The following RASAL2 variants were observed in gnomAD, a reference collection of about 807,000 sequenced individuals.
RASAL2 encodes ras GTPase-activating protein nGAP.
Under a neutral mutation model 128.9 loss-of-function variants are expected in RASAL2, and 58 were observed. The ratio of observed to expected loss-of-function variants is 0.45; its 90% CI spans 0.36 to 0.56. The LOEUF (loss-of-function observed/expected upper bound fraction) is 0.56, where lower values mean the gene tolerates loss of function less well. Ranked by LOEUF, RASAL2 falls within the 20% of genes least tolerant of loss-of-function variation. RASAL2 has a pLI of 0.00. For missense variants in RASAL2, 1,360 were observed against 1,601.6 expected, an observed-to-expected ratio of 0.85 and a Z score of 2.57; for synonymous variants, 561 against 580.8, an observed-to-expected ratio of 0.97 and a Z score of 0.49.
chr1:178,391,598 A>G (rs975578872), intron 4 of RASAL2, among the ~76,000 whole-genome samples: 7 of 152,228 alleles, frequency 4.6e-5, no homozygotes, highest in South Asian at 2.1e-4. Context: ...AAGAATGTCT[A>G]ATTTTCAGGT....
At chr1:178,237,185 A>C (rs190265472) in intron 1 of RASAL2, among the ~76,000 whole-genome samples, 43 of 152,062 alleles carry the variant, frequency 2.8e-4, no homozygotes, top group African/African-American at 1.0e-3. Context: ...TACTTCTCCA[A>C]GACTACACAG....
At chr1:178,168,544 T>C (rs1420197902) in intron 1 of RASAL2, among the ~76,000 whole-genome samples, 11 of 152,124 alleles carry the variant, frequency 7.2e-5, no homozygotes, top group Non-Finnish European at 1.3e-4. Flanking sequence ...TATGATATTC[T>C]CTAGACCTAA....
intron 2 of RASAL2, among the ~76,000 whole-genome samples, chr1:178,299,511 T>G (rs1287808995): frequency 6.6e-6 from 1 of 152,106 alleles, no homozygotes; most frequent in Non-Finnish European, 1.5e-5. Flanking sequence ...TTTTTTCTTT[T>G]TTTTTGAGAT....
chr1:178,451,744 T>C (rs750798079), intron 10 of RASAL2, 29 bp downstream of exon 10: 1 of 1,600,110 alleles, frequency 6.2e-7, no homozygotes, highest in Non-Finnish European at 8.5e-7. Context: ...CTGCCTTACA[T>C]TTTTTCATGT....
At chr1:178,182,707 C>T (rs986154640) in intron 1 of RASAL2, among the ~76,000 whole-genome samples, 2 of 152,056 alleles carry the variant, frequency 1.3e-5, no homozygotes, top group Admixed American at 6.6e-5. Flanking sequence ...TTTTCAGTTC[C>T]AATACATGTA....
Position 178,442,656 on chromosome 1 carries a change from C to T in RASAL2, c.928-19C>T. On this transcript the variant is annotated intron_variant, in intron 7 of 17. Coordinates refer to ENST00000367649, the MANE Select transcript of RASAL2 (RefSeq NM_170692.4). ...CTGCAATGTCAGCTCTGAAATTCAG[C>T]TTTGTTGCCTCTTTATAGGACAATT... 6.4e-7 allele frequency: 1 copy of T among 1,558,326 alleles called. No individual in the cohort carries two copies.
Position 178,305,549 on chromosome 1 carries a change from A to T in RASAL2, c.457+5431A>T, listed in dbSNP as rs192014437. Among the ~76,000 whole-genome samples, 356 of 152,280 alleles carry T rather than the reference A, an allele frequency of 2.3e-3. 2 individuals are homozygous for T. The highest frequency in any genetic ancestry group is 3.7e-3 in the Non-Finnish European group (254 of 68,014). On this transcript the variant is annotated intron_variant, in intron 3 of 17. Coordinates refer to ENST00000367649, the MANE Select transcript of RASAL2 (RefSeq NM_170692.4). Reference sequence around the variant, plus strand: ...ATTGGATGTGGAAAGTGAGAAATAGAATATTCAAGAATGTTGGCTAGAACA... The same window carrying T: ...ATTGGATGTGGAAAGTGAGAAATAGTATATTCAAGAATGTTGGCTAGAACA...
chr1:178,175,281 T>C (rs1235656919), intron 1 of RASAL2, among the ~76,000 whole-genome samples: 1 of 152,044 alleles, frequency 6.6e-6, no homozygotes, highest in Non-Finnish European at 1.5e-5. Flanking sequence ...AAGTCGTATA[T>C]GAGAGTAGAA....
intron 1 of RASAL2, among the ~76,000 whole-genome samples, chr1:178,249,102 GA>G (rs1664921832): frequency 1.3e-5 from 2 of 152,102 alleles, no homozygotes; most frequent in Non-Finnish European, 2.9e-5. Flanking sequence ...CTAGGTTGGG[GA>G]AGTTCTCCTG....
At chr1:178,359,796 G>A (rs1163291253) in intron 3 of RASAL2, among the ~76,000 whole-genome samples, 2 of 152,090 alleles carry the variant, frequency 1.3e-5, no homozygotes, top group Non-Finnish European at 2.9e-5. Context: ...TACTGTTGTT[G>A]AATTAATTTC....
intron 1 of RASAL2, among the ~76,000 whole-genome samples, chr1:178,178,263 A>T (rs2101923588): frequency 6.6e-6 from 1 of 152,292 alleles, no homozygotes; most frequent in East Asian, 1.9e-4. Flanking sequence ...TTTAAAAATT[A>T]CTTAAATAAT....
intron 1 of RASAL2, among the ~76,000 whole-genome samples, chr1:178,157,768 T>C (rs1353204818): frequency 6.6e-6 from 1 of 152,210 alleles, no homozygotes; most frequent in Non-Finnish European, 1.5e-5. Flanking sequence ...TTGGAAATGC[T>C]AACTATAAAA....
chr1:178,196,005 T>C (rs1190953201), intron 1 of RASAL2, among the ~76,000 whole-genome samples: 3 of 152,068 alleles, frequency 2.0e-5, no homozygotes, highest in South Asian at 2.1e-4. Flanking sequence ...AGACCAGACA[T>C]GTAAAAATTC....
At chr1:178,289,699 C>T (rs373774254) in intron 2 of RASAL2, among the ~76,000 whole-genome samples, 1 of 152,176 alleles carries the variant, frequency 6.6e-6, no homozygotes. Context: ...ACATGCCCCA[C>T]ACTTCAGCCC....
chr1:178,372,102 T>A (rs1386087465), intron 3 of RASAL2: 1 of 910,046 alleles, frequency 1.1e-6, no homozygotes, highest in Non-Finnish European at 1.3e-6. Flanking sequence ...GGAGGGAGGA[T>A]CACATTTTCT....
chr1:178,426,772 C>A (rs993301164), intron 5 of RASAL2, among the ~76,000 whole-genome samples: 13 of 152,084 alleles, frequency 8.5e-5, no homozygotes, highest in African/African-American at 1.9e-4. Flanking sequence ...ACCCAATATT[C>A]CATACCCAGA....
chr1:178,182,667 G>A (rs1394931633), intron 1 of RASAL2, among the ~76,000 whole-genome samples: 2 of 151,928 alleles, frequency 1.3e-5, no homozygotes, highest in South Asian at 2.1e-4. Flanking sequence ...CCAACAATTC[G>A]AAACTTGGAC....
intron 4 of RASAL2, among the ~76,000 whole-genome samples, chr1:178,408,185 A>G (rs1468959858): frequency 6.6e-6 from 1 of 152,236 alleles, no homozygotes; most frequent in Admixed American, 6.5e-5. Flanking sequence ...CAGCATTTGA[A>G]AAAATTGGAT....
intron 1 of RASAL2, among the ~76,000 whole-genome samples, chr1:178,271,892 C>A (rs988707730): frequency 5.9e-5 from 9 of 152,164 alleles, no homozygotes; most frequent in Non-Finnish European, 1.3e-4. Context: ...TAGGGCCCCC[C>A]ACCTTTCAGA....
Sources: allele counts gnomAD v4.1 joint callset (sites outside exome capture counted in the v4.1 genomes callset), GRCh38; gene constraint gnomAD v4.1.1; transcripts MANE v1.5; gene names NCBI Gene and HGNC (gene_info 2026-07-23, HGNC 2026-07-21).